ATP10B: variants seen among roughly 807,000 people sequenced by gnomAD.
The protein encoded by ATP10B is ATPase phospholipid transporting 10B (putative).
In ATP10B, 122 loss-of-function variants were observed where a neutral mutation model predicts 141.2. That is an observed-to-expected ratio of 0.86 (90% confidence interval 0.75 to 1.00). ATP10B has a LOEUF of 1.00. Among genes scored for constraint, ATP10B ranks in the 50% least tolerant of loss-of-function variants. ATP10B has a pLI of 0.00. For synonymous variants in ATP10B, 685 were observed against 692.0 expected, an observed-to-expected ratio of 0.99 and a Z score of 0.16; for missense variants, 1,876 against 1,825.3, an observed-to-expected ratio of 1.03 and a Z score of -0.51.
chr5:160,823,622 C>G (rs961455590), intron 1 of ATP10B, among the ~76,000 whole-genome samples: 1 of 152,024 alleles, frequency 6.6e-6, no homozygotes, highest in Non-Finnish European at 1.5e-5. Context: ...TTTGGGAGGC[C>G]GAGGTGGGCA....
At chr5:160,763,476 G>A (rs1056595568) in intron 2 of ATP10B, among the ~76,000 whole-genome samples, 3 of 152,054 alleles carry the variant, frequency 2.0e-5, no homozygotes, top group Admixed American at 6.5e-5. Flanking sequence ...GGTCAACAAC[G>A]AAATTAAGAT....
chr5:160,789,558 C>T (rs545413159), intron 1 of ATP10B, among the ~76,000 whole-genome samples: 1 of 152,310 alleles, frequency 6.6e-6, no homozygotes, highest in East Asian at 1.9e-4. Context: ...TATGGGACCA[C>T]TATTGTATCT....
At chr5:160,832,237 T>C (rs1386927670) in intron 1 of ATP10B, among the ~76,000 whole-genome samples, 1 of 152,202 alleles carries the variant, frequency 6.6e-6, no homozygotes, top group Non-Finnish European at 1.5e-5. Context: ...GAAATACTCA[T>C]AAAACTCTGG....
the ATP10B span, among the ~76,000 whole-genome samples, chr5:160,871,206 T>C: frequency 1.4e-4 from 22 of 152,228 alleles, no homozygotes; most frequent in East Asian, 3.3e-3. Flanking sequence ...AAAATAAAAA[T>C]GCAATATGCT....
At chr5:160,709,235 A>T (rs1229821772) in intron 3 of ATP10B, among the ~76,000 whole-genome samples, 2 of 152,244 alleles carry the variant, frequency 1.3e-5, no homozygotes, top group Non-Finnish European at 2.9e-5. Flanking sequence ...ACAGGTATCA[A>T]TAATGAAAAA....
chr5:160,584,524 A>G (rs765850000), intron 24 of ATP10B, among the ~76,000 whole-genome samples: 6 of 151,760 alleles, frequency 4.0e-5, no homozygotes, highest in Non-Finnish European at 8.8e-5. Context: ...TCTTTCCTAC[A>G]TCTGCAGAAT....
upstream of ATP10B, among the ~76,000 whole-genome samples, chr5:160,855,053 A>G (rs984646594): frequency 6.6e-6 from 1 of 152,144 alleles, no homozygotes; most frequent in African/African-American, 2.4e-5. Flanking sequence ...ACATTTGTGC[A>G]CAGGTTTTGT....
chr5:160,722,074 G>A (rs1343007822), intron 2 of ATP10B, among the ~76,000 whole-genome samples: 2 of 152,154 alleles, frequency 1.3e-5, no homozygotes, highest in Non-Finnish European at 2.9e-5. Flanking sequence ...TAGAACGAGT[G>A]CTTCGTAGGA....
chr5:160,569,473 A>C (rs1754741500), intron 25 of ATP10B, 23 bp downstream of exon 25: 1 of 1,612,350 alleles, frequency 6.2e-7, no homozygotes, highest in Non-Finnish European at 8.5e-7. Context: ...TTTAGGAAAG[A>C]AACACAGCCC....
intron 2 of ATP10B, among the ~76,000 whole-genome samples, chr5:160,746,939 G>A (rs1402667668): frequency 1.3e-5 from 2 of 152,184 alleles, no homozygotes; most frequent in African/African-American, 4.8e-5. Flanking sequence ...GTGGCAAATT[G>A]ACTGCCCATG....
the ATP10B span, among the ~76,000 whole-genome samples, chr5:160,921,257 T>A: frequency 2.0e-5 from 3 of 150,754 alleles, no homozygotes; most frequent in African/African-American, 7.4e-5. Flanking sequence ...AAATAGCAGC[T>A]TTCTATTCAG....
In ATP10B at chr5:160,563,430, C is replaced by T. The variant is rs979478854; in HGVS notation, c.*2023G>A. The T allele has an allele frequency of 7.2e-5, 11 of 152,158 alleles. No homozygotes were observed. The highest frequency in any genetic ancestry group is 2.7e-4 in the African/African-American group (11 of 41,446). 9.4% of individuals were successfully genotyped at this position (152,158 alleles called of 1,614,324 possible). ...GGTCCTACAAGAAAAAGAGCAGCAT[C>T]AGAGTGTTGGCTATAGTTTGGAACT... On this transcript the variant is annotated 3_prime_UTR_variant, in exon 26 of 26. Coordinates refer to ENST00000327245, the MANE Select transcript of ATP10B (RefSeq NM_025153.3).
At chr5:160,743,803 C>T (rs1015297362) in intron 2 of ATP10B, among the ~76,000 whole-genome samples, 1 of 151,964 alleles carries the variant, frequency 6.6e-6, no homozygotes, top group Non-Finnish European at 1.5e-5. Context: ...TTATTTTGTC[C>T]CCTTCACCTC....
intron 9 of ATP10B, 111 bp from the exon 10 acceptor site, chr5:160,640,703 T>C (rs1475324459): frequency 8.4e-6 from 12 of 1,426,852 alleles, no homozygotes; most frequent in Non-Finnish European, 1.1e-5. Context: ...GCTTCACTCT[T>C]TAACCTGAAC....
intron 3 of ATP10B, among the ~76,000 whole-genome samples, chr5:160,696,250 G>A (rs1764356764): frequency 1.3e-5 from 2 of 151,992 alleles, no homozygotes; most frequent in South Asian, 4.2e-4. Flanking sequence ...GGGATTACAG[G>A]CACCCGCCAT....
chr5:160,814,850 A>G (rs920078848), intron 1 of ATP10B, among the ~76,000 whole-genome samples: 1 of 152,206 alleles, frequency 6.6e-6, no homozygotes, highest in Non-Finnish European at 1.5e-5. Context: ...TAAAGAAAAG[A>G]TTTTTTAACC....
chr5:160,896,992 C>T, the ATP10B span, among the ~76,000 whole-genome samples: 1 of 152,176 alleles, frequency 6.6e-6, no homozygotes, highest in South Asian at 2.1e-4. Flanking sequence ...AAATTCAATA[C>T]CCTTTTATGC....
chr5:160,900,870 C>G, the ATP10B span, among the ~76,000 whole-genome samples: 3 of 147,266 alleles, frequency 2.0e-5, no homozygotes, highest in East Asian at 4.0e-4. Context: ...AACAAGAACA[C>G]TCTCTGAAAA....
intron 22 of ATP10B, among the ~76,000 whole-genome samples, chr5:160,597,318 G>A (rs564887161): frequency 6.6e-6 from 1 of 152,312 alleles, no homozygotes; most frequent in East Asian, 1.9e-4. Context: ...TTAATAAATG[G>A]TGCTGGGAAA....
Sources: gnomAD v4.1 joint callset for allele counts (sites outside exome capture counted in the v4.1 genomes callset) on GRCh38, gnomAD v4.1.1 for gene constraint, MANE v1.5 for transcripts, NCBI Gene and HGNC (gene_info 2026-07-23, HGNC 2026-07-21) for gene names.